Variants in THAP6 observed in about 807,000 individuals in gnomAD.
THAP6 encodes THAP domain containing 6.
Under a neutral mutation model 20.0 loss-of-function variants are expected in THAP6, and 13 were observed. The ratio of observed to expected loss-of-function variants is 0.65; its 90% confidence interval spans 0.42 to 1.03. The LOEUF (loss-of-function observed/expected upper bound fraction) is 1.03, where lower values mean the gene tolerates loss of function less well. Ranked by LOEUF, THAP6 falls within the 50% of genes least tolerant of loss-of-function variation. THAP6 has a pLI of 0.00. For synonymous variants in THAP6, 93 were observed against 92.2 expected, an observed-to-expected ratio of 1.01 and a Z score of -0.05; for missense variants, 262 against 261.6, an observed-to-expected ratio of 1.00 and a Z score of -0.01.
intron 2 of THAP6, 126 bp from the exon 3 acceptor site, chr4:75,516,643 ATAT>A (rs2148802657): frequency 2.7e-6 from 2 of 754,110 alleles, no homozygotes; most frequent in East Asian, 2.7e-5. Context: ...GGTTTCCTAA[ATAT>A]TATAATTCTC....
chr4:75,517,172 C>T (rs1246413134), intron 3 of THAP6, 193 bp downstream of exon 3: 1 of 500,794 alleles, frequency 2.0e-6, no homozygotes, highest in African/African-American at 1.9e-5. Flanking sequence ...CACCTGCCAC[C>T]ACACCTGGCT....
intron 2 of THAP6, chr4:75,539,908 G>A (rs1471192306): frequency 2.6e-6 from 4 of 1,535,952 alleles, no homozygotes; most frequent in East Asian, 2.4e-5. Flanking sequence ...AAACCAAGAA[G>A]AGAGAAATGC....
At chr4:75,526,643 A>C (rs1021878769) in intron 4 of THAP6, among the ~76,000 whole-genome samples, 1 of 152,240 alleles carries the variant, frequency 6.6e-6, no homozygotes, top group Non-Finnish European at 1.5e-5. Flanking sequence ...GTAAAAATTA[A>C]ACTTAGCAGC....
rs767398874 is a variant in THAP6 at position 75,521,825 on chromosome 4, C to G, written c.378C>G (p.Ser126=). The change falls in exon 4 of 5, where the codon TCC becomes TCG. Residue 126 remains serine, a synonymous_variant. Transcript: ENST00000311638. ...ACAATCACCATCTTGTTGGTGCTTC[C>G]TCATGTATTGAAGAATTCCAATCCC... The part of the protein sequence containing the change: ...TNYNHHLVGA[S]SCIEEFQSQF... 2 of 1,613,344 alleles carry G rather than the reference C, an allele frequency of 1.2e-6. No homozygotes were observed. The highest frequency in any genetic ancestry group is 2.2e-5 in the South Asian group (2 of 91,042).
At chr4:75,526,317 C>A (rs141377228) in intron 4 of THAP6, among the ~76,000 whole-genome samples, 3 of 152,214 alleles carry the variant, frequency 2.0e-5, no homozygotes, top group African/African-American at 7.2e-5. Context: ...AAATAAAAGT[C>A]TTCTTTACTA....
chr4:75,522,025 A>C, intron 4 of THAP6, 164 bp downstream of exon 4: 1 of 720,146 alleles, frequency 1.4e-6, no homozygotes, highest in Non-Finnish European at 2.1e-6. Context: ...TATATGCAAC[A>C]GCAAAATAGA....
rs151322436 is a variant in THAP6 at position 75,515,524 on chromosome 4, A to G, written c.72A>G (p.Thr24=). The G allele has an allele frequency of 1.6e-3, 2,575 of 1,613,748 alleles. 25 individuals carry two copies. In the South Asian group the frequency reaches 0.016, roughly 10 times the overall value. The change falls in exon 2 of 5, where the codon ACA becomes ACG. Residue 24 remains threonine (T), a synonymous_variant. Transcript: ENST00000311638. ...CLPNSKLKGL[T]FHVFPTDENI... is the part of the protein sequence containing the mutation. Reference sequence around the variant, plus strand: ...CAAATTCGAAGTTAAAAGGACTGACATTTCACGTGTAAGATTTTGCTGTAG... The same window carrying G: ...CAAATTCGAAGTTAAAAGGACTGACGTTTCACGTGTAAGATTTTGCTGTAG...
chr4:75,539,895 C>G, intron 2 of THAP6: 2 of 1,535,944 alleles, frequency 1.3e-6, no homozygotes, highest in Non-Finnish European at 1.7e-6. Context: ...GGAAGAAGAA[C>G]AAAAACCAAG....
chr4:75,527,999 CTGAA>C lies in THAP6; in HGVS notation c.*788_*791del, dbSNP rs1364322182. On this transcript the variant is annotated 3_prime_UTR_variant, in exon 5 of 5. Transcript: ENST00000311638. ...CGTCATAAAGGTATATGTTTAAAAT[CTGAA>C]TGGCAGTACTAGCTCTATACTTTTA... is the stretch of plus-strand genomic sequence containing the variant. 3.0e-6 allele frequency: 3 copies of C among 985,178 alleles called. No homozygotes were observed. The highest frequency in any genetic ancestry group is 6.1e-5 in the Admixed American group (1 of 16,268). 61.0% of individuals were successfully genotyped at this position (985,178 alleles called of 1,614,324 possible). A position where few individuals can be genotyped will look rare whatever the true frequency, so the allele number is the denominator to read the frequency against.
intron 3 of THAP6, among the ~76,000 whole-genome samples, chr4:75,520,559 C>A (rs1384124716): frequency 1.3e-5 from 2 of 152,098 alleles, no homozygotes; most frequent in African/African-American, 4.8e-5. Context: ...TATGTGTAAT[C>A]AGTCTTCAAT....
chr4:75,527,221 T>C lies in THAP6; in HGVS notation c.*7T>C. The C allele has an allele frequency of 6.3e-7, 1 of 1,594,660 alleles. No individual in the cohort carries two copies. The highest frequency in any genetic ancestry group is 8.6e-7 in the Non-Finnish European group (1 of 1,167,116). On this transcript the variant is annotated 3_prime_UTR_variant, in exon 5 of 5. Coordinates refer to ENST00000311638, the MANE Select transcript of THAP6 (RefSeq NM_144721.6). Reference sequence around the variant, plus strand: ...ACAGGACTATATTTCATGAAATAATTTCATGTTACGTTCCACCTAAAATTG... The same window carrying C: ...ACAGGACTATATTTCATGAAATAATCTCATGTTACGTTCCACCTAAAATTG...
chr4:75,538,186 G>T (rs1309086390), intron 2 of THAP6, among the ~76,000 whole-genome samples: 2 of 152,162 alleles, frequency 1.3e-5, no homozygotes, highest in East Asian at 3.9e-4. Context: ...AGCCCAGTTT[G>T]GGAGACAGCA....
chr4:75,522,251 G>C (rs778112142), intron 4 of THAP6: 1 of 192,648 alleles, frequency 5.2e-6, no homozygotes, highest in Non-Finnish European at 1.1e-5. Context: ...TTAGAGGCAG[G>C]CATGGAATCT....
At chr4:75,536,155 G>T (rs1047888380) in intron 2 of THAP6, among the ~76,000 whole-genome samples, 2 of 152,228 alleles carry the variant, frequency 1.3e-5, no homozygotes, top group Non-Finnish European at 2.9e-5. Context: ...GGCAGGGATT[G>T]TGAGACTGGA....
chr4:75,532,580 C>T (rs1480847770), downstream of THAP6, among the ~76,000 whole-genome samples: 3 of 152,224 alleles, frequency 2.0e-5, no homozygotes, highest in Admixed American at 2.0e-4. Context: ...TCCACATTTC[C>T]CTTCTGCACT....
Position 75,528,992 on chromosome 4 carries a change from G to A in THAP6, c.*1778G>A, listed in dbSNP as rs866596902. Reference sequence around the variant, plus strand: ...TGCTTGAACCCGGGAGGCGGAGATTGCAGTGAGCCAAGATCACGCCGTTGC... The same window carrying A: ...TGCTTGAACCCGGGAGGCGGAGATTACAGTGAGCCAAGATCACGCCGTTGC... On this transcript the variant is annotated 3_prime_UTR_variant, in exon 5 of 5. Coordinates refer to ENST00000311638, the MANE Select transcript of THAP6 (RefSeq NM_144721.6). The A allele has an allele frequency of 4.0e-5, 22 of 546,738 alleles. No individual in the cohort carries two copies. The highest frequency in any genetic ancestry group is 5.1e-5 in the Non-Finnish European group (22 of 429,826). The allele number at this position is 546,738 out of a possible 1,614,324, so 33.9% of individuals were successfully genotyped here.
chr4:75,534,771 A>T (rs971865642), downstream of THAP6, among the ~76,000 whole-genome samples: 9 of 152,230 alleles, frequency 5.9e-5, no homozygotes, highest in African/African-American at 2.2e-4. Flanking sequence ...CACTTCTCAA[A>T]AGAAGACATT....
intron 3 of THAP6, among the ~76,000 whole-genome samples, chr4:75,545,329 G>A (rs1246673656): frequency 6.6e-6 from 1 of 152,164 alleles, no homozygotes; most frequent in Admixed American, 6.5e-5. Flanking sequence ...TCACCGGGAT[G>A]TTACTGCCAT....
chr4:75,546,120 C>T (rs560481484), intron 3 of THAP6, among the ~76,000 whole-genome samples: 44 of 152,300 alleles, frequency 2.9e-4, no homozygotes, highest in Middle Eastern at 6.8e-3. Context: ...AAACCATTTT[C>T]GTTGTATCCA....
Sources: allele counts gnomAD v4.1 joint callset (sites outside exome capture counted in the v4.1 genomes callset), GRCh38; gene constraint gnomAD v4.1.1; transcripts MANE v1.5; gene names NCBI Gene and HGNC (gene_info 2026-07-23, HGNC 2026-07-21).